NEB: variants seen among roughly 807,000 people sequenced by gnomAD.
The protein encoded by NEB is nemaline myopathy type 2.
NEB carries 512 observed loss-of-function variants against 952.2 expected under a neutral mutation model. The observed-to-expected ratio is 0.54, with a 90% CI of 0.50 to 0.58. The LOEUF (loss-of-function observed/expected upper bound fraction) is 0.58. Ranked by LOEUF, NEB falls within the 20% of genes least tolerant of loss-of-function variation. NEB has a pLI of 0.00. For synonymous variants in NEB, 2,900 were observed against 3,149.8 expected, an observed-to-expected ratio of 0.92 and a Z score of 2.66; for missense variants, 8,428 against 9,231.1, an observed-to-expected ratio of 0.91 and a Z score of 3.56.
At position 151,634,948 on chromosome 2, in the gene NEB, A is replaced by G. The variant is rs145034441; in HGVS notation, c.9103-983T>C. Among the ~76,000 whole-genome samples, 965 of 152,278 alleles carry G rather than the reference A, an allele frequency of 6.3e-3. 2 individuals carry two copies. Among genetic ancestry groups the G allele is most frequent in the African/African-American group, 0.022 (912 of 41,548 alleles). The stretch of plus-strand genomic sequence containing the variant: ...TTCTGGAATCTAAGCCAGTTATCCA[A>G]AATACATGCTTCTAGTCTCAAAGAC... On this transcript the variant is annotated intron_variant, in intron 64 of 181. Coordinates refer to ENST00000397345, the MANE Select transcript of NEB (RefSeq NM_001164508.2).
At chr2:151,727,589 A>G in intron 5 of NEB, 102 bp downstream of exon 5, 1 of 1,182,132 alleles carries the variant, frequency 8.5e-7, no homozygotes, top group East Asian at 2.5e-5. Context: ...TGTTTCATAC[A>G]GGTTTGAGAA....
chr2:151,680,610 T>C (rs573357125), intron 30 of NEB, 120 bp downstream of exon 30: 4 of 675,312 alleles, frequency 5.9e-6, no homozygotes, highest in Non-Finnish European at 7.5e-6. Context: ...ATTCTACAGA[T>C]GCTTGTGTAA....
At position 151,727,772 on chromosome 2, in the gene NEB, G is replaced by A. The variant is rs745325085; in HGVS notation, c.213C>T (p.Val71=). ...ASAKPVERRK[V]IRKKVDPSKF... ...TTGAAGGATCCACTTTCTTCCGGAT[G>A]ACCTTCCTCCTCTCCACCGGCTTTG... The change falls in exon 5 of 182, where the codon GTC becomes GTT. Residue 71 remains valine, a synonymous_variant. Coordinates refer to ENST00000397345, the MANE Select transcript of NEB (RefSeq NM_001164508.2). The A allele has an allele frequency of 6.2e-6, 10 of 1,613,758 alleles. No homozygotes were observed. In the South Asian group the frequency reaches 9.9e-5, roughly 16 times the overall value.
intron 24 of NEB, 69 bp from the exon 25 acceptor site, chr2:151,688,465 G>T: frequency 8.4e-7 from 1 of 1,196,440 alleles, no homozygotes; most frequent in Non-Finnish European, 1.2e-6. Flanking sequence ...AGCATATATA[G>T]CTAAGGCATT....
intron 105 of NEB, among the ~76,000 whole-genome samples, chr2:151,577,292 A>AGGC (rs2096906428): frequency 2.0e-5 from 3 of 152,026 alleles, no homozygotes; most frequent in African/African-American, 7.3e-5. Flanking sequence ...TGTCATCTGT[A>AGGC]CTTCCATTGG....
At chr2:151,556,067 T>C (rs1416643198) in intron 124 of NEB, among the ~76,000 whole-genome samples, 4 of 152,176 alleles carry the variant, frequency 2.6e-5, no homozygotes, top group Non-Finnish European at 5.9e-5. Flanking sequence ...CTATAGTACT[T>C]TTCTTCCAAA....
rs746456810 is a variant in NEB, at chr2:151,496,282, A to T, written c.24480T>A (p.Ile8160=). 3.1e-6 allele frequency: 5 copies of T among 1,607,304 alleles called. No homozygotes were observed. The African/African-American group carries it at 6.7e-5, about 21-fold the overall frequency. ...MERVKHNQEN[I]SSVLYKENVG... Reference sequence around the variant, plus strand: ...TTCTTTTCTCGCCAAGTACCGAGCTAATATTTTCTTGATTGTGTTTGACTC... The same window carrying T: ...TTCTTTTCTCGCCAAGTACCGAGCTTATATTTTCTTGATTGTGTTTGACTC... Residue 8160 remains isoleucine (I), a synonymous_variant, in exon 173 of 182, where the codon ATT becomes ATA. Coordinates refer to ENST00000397345, the MANE Select transcript of NEB (RefSeq NM_001164508.2).
intron 54 of NEB, among the ~76,000 whole-genome samples, chr2:151,647,515 C>G (rs117864132): frequency 6.6e-6 from 1 of 152,212 alleles, no homozygotes; most frequent in African/African-American, 2.4e-5. Flanking sequence ...CTCAACAGTA[C>G]AGCAACCTGG....
In NEB at chr2:151,497,713, T is replaced by TAACAC. The variant is rs1553552413; in HGVS notation, c.24208_24212dup (p.Tyr8072CysfsTer75). 1.3e-6 allele frequency: 2 copies of TAACAC among 1,575,764 alleles called. No homozygotes were observed. Among genetic ancestry groups the TAACAC allele is most frequent in the African/African-American group, 1.3e-5 (1 of 74,268 alleles). ...TTCCCTTGCCCATGTTTTCTTTGTA[T>TAACAC]AACACCTGTGCGATAAGAAAGCATC... is the stretch of plus-strand genomic sequence containing the variant. On this transcript the variant is annotated frameshift_variant, in exon 171 of 182. Transcript: ENST00000397345. LOFTEE classifies it high-confidence loss of function.
At chr2:151,616,428 C>A (rs1466836538) in intron 75 of NEB, among the ~76,000 whole-genome samples, 1 of 152,092 alleles carries the variant, frequency 6.6e-6, no homozygotes, top group East Asian at 1.9e-4. Flanking sequence ...GTGGCTCACG[C>A]CTGTAATCCC....
At chr2:151,685,058 T>C in intron 27 of NEB, 83 bp from the exon 28 acceptor site, 1 of 1,354,848 alleles carries the variant, frequency 7.4e-7, no homozygotes, top group East Asian at 2.5e-5. Flanking sequence ...AAACAATAAA[T>C]ACAAGTTAGA....
At chr2:151,711,635 A>G (rs2099745651) in intron 10 of NEB, among the ~76,000 whole-genome samples, 1 of 152,186 alleles carries the variant, frequency 6.6e-6, no homozygotes, top group South Asian at 2.1e-4. Flanking sequence ...CTCTGGGACC[A>G]AGACTTGACT....
chr2:151,703,111 A>G (rs1333594503), intron 13 of NEB, among the ~76,000 whole-genome samples: 3 of 143,590 alleles, frequency 2.1e-5, no homozygotes, highest in Non-Finnish European at 4.6e-5. Flanking sequence ...TTTCTCCTTC[A>G]CTTATGAAGC....
intron 5 of NEB, among the ~76,000 whole-genome samples, chr2:151,727,053 T>TAA (rs796713907): frequency 5.4e-4 from 68 of 124,816 alleles, no homozygotes; most frequent in Middle Eastern, 4.2e-3. Context: ...TTCTGTTTCT[T>TAA]AAAAAAAAAA....
At chr2:151,680,596 G>A (rs2099407106) in intron 30 of NEB, 134 bp downstream of exon 30, 1 of 608,566 alleles carries the variant, frequency 1.6e-6, no homozygotes, top group Non-Finnish European at 2.8e-6. Flanking sequence ...TGAACAGCTG[G>A]GGAATTCTAC....
At chr2:151,681,821 A>T (rs2099416073) in intron 29 of NEB, among the ~76,000 whole-genome samples, 1 of 152,096 alleles carries the variant, frequency 6.6e-6, no homozygotes, top group Admixed American at 6.5e-5. Flanking sequence ...TAATTTATAC[A>T]TTACTTCAAA....
chr2:151,629,489 G>T (rs777044167), intron 68 of NEB, 50 bp downstream of exon 68: 19 of 1,425,842 alleles, frequency 1.3e-5, no homozygotes, highest in Non-Finnish European at 1.9e-5. Context: ...TAATAATCCT[G>T]CCTCCCCACT....
In NEB at chr2:151,493,781, A is replaced by G. The variant is rs2152862127; in HGVS notation, c.24666T>C (p.Phe8222=). ...MERVKRNQEN[F]SSVLYKENMR... ...TTTTTCCTTTCTAAAATACCGAGCT[A>G]AAGTTTTCTTGATTGCGTTTCACTC... Residue 8222 remains phenylalanine, a synonymous_variant, in exon 175 of 182, where the codon TTT becomes TTC. Transcript: ENST00000397345. 2 of 1,570,748 alleles carry G rather than the reference A, an allele frequency of 1.3e-6. No individual in the cohort carries two copies. The highest frequency in any genetic ancestry group is 1.7e-6 in the Non-Finnish European group (2 of 1,153,640).
intron 46 of NEB, among the ~76,000 whole-genome samples, chr2:151,660,659 TG>T (rs1375026383): frequency 2.0e-5 from 3 of 152,210 alleles, no homozygotes; most frequent in African/African-American, 7.2e-5. Flanking sequence ...TTTCAGGCTT[TG>T]TGGGCTAAAC....
Sources: allele counts gnomAD v4.1 joint callset (sites outside exome capture counted in the v4.1 genomes callset), GRCh38; gene constraint gnomAD v4.1.1; transcripts MANE v1.5; gene names NCBI Gene and HGNC (gene_info 2026-07-23, HGNC 2026-07-21).